RALGPS2: variants seen among roughly 807,000 people sequenced by gnomAD.
The protein encoded by RALGPS2 is Ral GEF with PH domain and SH3 binding motif 2, also known as ras-specific guanine nucleotide-releasing factor RalGPS2.
In RALGPS2, 43 loss-of-function variants were observed where a neutral mutation model predicts 86.8. The ratio of observed to expected loss-of-function variants is 0.50; its 90% CI spans 0.39 to 0.64. The LOEUF (loss-of-function observed/expected upper bound fraction) is 0.64. RALGPS2 is among the 30% of genes least tolerant of loss of function. The probability of loss-of-function intolerance (pLI) is 0.00; values close to 1 mark genes in which losing one functional copy is unlikely to be tolerated. For synonymous variants in RALGPS2, 243 were observed against 231.3 expected, an observed-to-expected ratio of 1.05 and a Z score of -0.46; for missense variants, 536 against 694.6, an observed-to-expected ratio of 0.77 and a Z score of 2.57.
At position 178,878,937 on chromosome 1, in the gene RALGPS2, A is replaced by G. The variant is rs1355348354; in HGVS notation, c.781A>G (p.Asn261Asp). Residue 261 changes from asparagine to aspartate, a missense_variant, in exon 10 of 20, where the codon AAC becomes GAC. This residue lies in a region of RALGPS2 where 184 missense variants were observed against 296.7 expected (regional missense o/e 0.62). Coordinates refer to ENST00000367635, the MANE Select transcript of RALGPS2 (RefSeq NM_152663.5). ...GTTGCCTCATGTCCAAAAATATCTCAACTCTGTTCAGTATATAGAAGAACT... is the reference window on the plus strand; with the variant it reads ...GTTGCCTCATGTCCAAAAATATCTCGACTCTGTTCAGTATATAGAAGAACT... ...PMLPHVQKYL[N>D]SVQYIEELQK... 5 of 1,612,578 alleles carry G rather than the reference A, an allele frequency of 3.1e-6. No individual in the cohort carries two copies. Among genetic ancestry groups the G allele is most frequent in the Non-Finnish European group, 4.2e-6 (5 of 1,179,374 alleles).
At chr1:178,879,147 A>C (rs1659122419) in intron 10 of RALGPS2, 155 bp downstream of exon 10, 3 of 1,061,238 alleles carry the variant, frequency 2.8e-6, no homozygotes, top group Non-Finnish European at 3.8e-6. Flanking sequence ...ATTACTTCTT[A>C]ATCACTTGTT....
At chr1:178,760,929 T>C (rs1433761864) in intron 1 of RALGPS2, among the ~76,000 whole-genome samples, 1 of 152,130 alleles carries the variant, frequency 6.6e-6, no homozygotes. Context: ...TGCCAATAAT[T>C]TGTAGATTCG....
At chr1:178,856,200 G>GATATATATATATATATATAT (rs1348083361) in intron 8 of RALGPS2, among the ~76,000 whole-genome samples, 1 of 40,932 alleles carries the variant, frequency 2.4e-5, no homozygotes, top group African/African-American at 9.3e-5. Context: ...CAGAGAGAGA[G>GATATATATATATATATATAT]AGATATATAT....
chr1:178,742,507 G>A (rs1651093039), intron 1 of RALGPS2, among the ~76,000 whole-genome samples: 1 of 152,190 alleles, frequency 6.6e-6, no homozygotes, highest in Non-Finnish European at 1.5e-5. Flanking sequence ...TCCACAATTT[G>A]TGTTGGATAC....
chr1:178,785,827 C>T (rs560490366), intron 4 of RALGPS2, among the ~76,000 whole-genome samples: 36 of 152,072 alleles, frequency 2.4e-4, no homozygotes, highest in African/African-American at 4.6e-4. Flanking sequence ...CTGAACAAAG[C>T]GGAGGTTAGG....
chr1:178,856,769 AAATTT>A (rs1277969712), intron 8 of RALGPS2, among the ~76,000 whole-genome samples: 1 of 152,182 alleles, frequency 6.6e-6, no homozygotes, highest in Admixed American at 6.5e-5. Context: ...CTTATTTAAT[AAATTT>A]AATATAGCTC....
intron 8 of RALGPS2, among the ~76,000 whole-genome samples, chr1:178,863,679 G>A (rs1558158211): frequency 6.6e-6 from 1 of 152,194 alleles, no homozygotes; most frequent in Admixed American, 6.5e-5. Flanking sequence ...CATCTGAGCA[G>A]TGGTGATACT....
At chr1:178,858,374 A>T (rs972715234) in intron 8 of RALGPS2, among the ~76,000 whole-genome samples, 1 of 152,174 alleles carries the variant, frequency 6.6e-6, no homozygotes, top group Non-Finnish European at 1.5e-5. Flanking sequence ...AAAGAAATTA[A>T]TGACAAATAG....
intron 8 of RALGPS2, chr1:178,849,841 G>A (rs1657060699): frequency 6.6e-6 from 1 of 152,214 alleles, no homozygotes; most frequent in African/African-American, 2.4e-5. Flanking sequence ...CCCATGCATA[G>A]TTTGCCTCAC....
intron 8 of RALGPS2, among the ~76,000 whole-genome samples, chr1:178,838,944 CGAGAA>C (rs1477384151): frequency 6.6e-6 from 1 of 151,594 alleles, no homozygotes; most frequent in Non-Finnish European, 1.5e-5. Flanking sequence ...TGAAATGAAG[CGAGAA>C]GAGAAGTTTA....
At chr1:178,773,286 A>C (rs551833386) in intron 1 of RALGPS2, among the ~76,000 whole-genome samples, 1 of 152,184 alleles carries the variant, frequency 6.6e-6, no homozygotes, top group Non-Finnish European at 1.5e-5. Context: ...TGGAGGCTGC[A>C]GTGAGCTAAG....
intron 1 of RALGPS2, among the ~76,000 whole-genome samples, chr1:178,728,517 G>T (rs1457994890): frequency 6.7e-6 from 1 of 150,202 alleles, no homozygotes; most frequent in East Asian, 1.9e-4. Context: ...TTGAATATGA[G>T]ATATTTATTG....
intron 1 of RALGPS2, among the ~76,000 whole-genome samples, chr1:178,748,697 A>G (rs1021103820): frequency 6.6e-6 from 1 of 152,044 alleles, no homozygotes; most frequent in African/African-American, 2.4e-5. Context: ...TACTAAAAAT[A>G]TAAAAATTAG....
At chr1:178,790,534 C>T (rs1653901736) in intron 4 of RALGPS2, among the ~76,000 whole-genome samples, 1 of 152,136 alleles carries the variant, frequency 6.6e-6, no homozygotes, top group African/African-American at 2.4e-5. Flanking sequence ...ATAGGTATCC[C>T]TTAACGCATG....
At chr1:178,859,550 C>T (rs889463155) in intron 8 of RALGPS2, among the ~76,000 whole-genome samples, 7 of 150,674 alleles carry the variant, frequency 4.6e-5, no homozygotes, top group African/African-American at 1.7e-4. Context: ...ATTACAGGCG[C>T]CCGCCACTAC....
chr1:178,785,647 C>T (rs573048569), intron 4 of RALGPS2, 40 bp downstream of exon 4: 96 of 1,525,012 alleles, frequency 6.3e-5, no homozygotes, highest in Non-Finnish European at 7.6e-5. Flanking sequence ...ATATAGAAAA[C>T]GATCAATCTC....
At chr1:178,838,799 C>CA (rs985849665) in intron 8 of RALGPS2, among the ~76,000 whole-genome samples, 1 of 152,136 alleles carries the variant, frequency 6.6e-6, no homozygotes, top group African/African-American at 2.4e-5. Flanking sequence ...CTAGAATAAC[C>CA]AGTGTAGAGA....
At chr1:178,857,440 G>T (rs1043273271) in intron 8 of RALGPS2, among the ~76,000 whole-genome samples, 3 of 152,090 alleles carry the variant, frequency 2.0e-5, no homozygotes, top group Admixed American at 2.0e-4. Context: ...AGTCAAGTGG[G>T]GGGTGGGAGA....
chr1:178,735,765 A>G (rs1356924382), intron 1 of RALGPS2, among the ~76,000 whole-genome samples: 2 of 152,122 alleles, frequency 1.3e-5, no homozygotes, highest in Non-Finnish European at 2.9e-5. Flanking sequence ...AAAAAATAAA[A>G]ATAAGCAAAA....
Sources: allele counts gnomAD v4.1 joint callset (sites outside exome capture counted in the v4.1 genomes callset), GRCh38; gene constraint gnomAD v4.1.1; regional missense constraint gnomAD v4.1.1; transcripts MANE v1.5; gene names NCBI Gene and HGNC (gene_info 2026-07-23, HGNC 2026-07-21).